MBLAC2: variants seen among roughly 807,000 people sequenced by gnomAD.
MBLAC2 encodes the protein metallo-beta-lactamase domain containing 2.
MBLAC2 carries 24 observed loss-of-function variants against 23.3 expected under a neutral mutation model. The ratio of observed to expected loss-of-function variants is 1.03; its 90% confidence interval spans 0.75 to 1.45. The LOEUF (loss-of-function observed/expected upper bound fraction) is 1.45, where lower values mean the gene tolerates loss of function less well. Ranked by LOEUF, MBLAC2 falls within the 40% of genes most tolerant of loss-of-function variation. MBLAC2 has a pLI of 0.00. For synonymous variants in MBLAC2, 162 were observed against 150.9 expected, an observed-to-expected ratio of 1.07 and a Z score of -0.54; for missense variants, 358 against 370.0, an observed-to-expected ratio of 0.97 and a Z score of 0.27.
rs1580179368 is a variant in MBLAC2, at chr5:90,461,268, A to G, written c.739T>C (p.Tyr247His). 1 of 1,614,174 alleles carries G rather than the reference A, an allele frequency of 6.2e-7. No individual in the cohort carries two copies. The highest frequency in any genetic ancestry group is 2.2e-5 in the East Asian group (1 of 44,882). The stretch of plus-strand genomic sequence containing the variant: ...TGACATATCCCAGCTTTTGAAATAT[A>G]GTTAGAAGCCAATCGAAAAAGCCTT... ...AERLFRLASN[Y>H]ISKAGICHKV... Residue 247 changes from tyrosine (Y) to histidine (H), a missense_variant, in exon 2 of 2, where the codon TAT becomes CAT. Transcript: ENST00000316610.
In MBLAC2 at chr5:90,458,771, G is replaced by A. The variant is rs1334489142; in HGVS notation, c.*2396C>T. 1.3e-5 allele frequency: 2 copies of A among 152,110 alleles called. No individual in the cohort carries two copies. The highest frequency in any genetic ancestry group is 2.9e-5 in the Non-Finnish European group (2 of 67,994). 9.4% of individuals were successfully genotyped at this position (152,110 alleles called of 1,614,324 possible). On this transcript the variant is annotated 3_prime_UTR_variant, in exon 2 of 2. Transcript: ENST00000316610. ...GGCTGGTCAATTACCTTTTGGTGCT[G>A]GGAGTAAGATTAAATTAAATAATGC... is the stretch of plus-strand genomic sequence containing the variant.
At position 90,463,281 on chromosome 5, in the gene MBLAC2, G is replaced by A. The variant is rs537021368; in HGVS notation, c.455-1729C>T. ...ATATTTTTAGTAGAGACAGGGTTTC[G>A]CCATGTTGGCCAGGCTGGTTGCCAT... On this transcript the variant is annotated intron_variant, in intron 1 of 1. Coordinates refer to ENST00000316610, the MANE Select transcript of MBLAC2 (RefSeq NM_203406.2). 1.2e-4 allele frequency among the ~76,000 whole-genome samples: 18 copies of A among 152,240 alleles called. No homozygotes were observed. The South Asian group carries it at 3.3e-3, about 28-fold the overall frequency.
At chr5:90,461,597 G>A in intron 1 of MBLAC2, 45 bp from the exon 2 acceptor site, 1 of 1,540,034 alleles carries the variant, frequency 6.5e-7, no homozygotes. Context: ...TTGTATACTT[G>A]ACTTAGCATG....
At chr5:90,464,098 T>C (rs1750412560) in intron 1 of MBLAC2, among the ~76,000 whole-genome samples, 1 of 152,140 alleles carries the variant, frequency 6.6e-6, no homozygotes, top group South Asian at 2.1e-4. Context: ...ATTTAAAGTC[T>C]CCCCACAAAG....
chr5:90,473,809 C>G (rs779804681), intron 1 of MBLAC2, 30 bp downstream of exon 1: 1 of 1,547,792 alleles, frequency 6.5e-7, no homozygotes, highest in South Asian at 1.2e-5. Flanking sequence ...CCTCCCTTAA[C>G]GAGAGCGCGC....
At position 90,474,387 on chromosome 5, in the gene MBLAC2, C is replaced by G. The variant is rs958473659; in HGVS notation, c.-95G>C. On this transcript the variant is annotated 5_prime_UTR_variant, in exon 1 of 2. Coordinates refer to ENST00000316610, the MANE Select transcript of MBLAC2 (RefSeq NM_203406.2). ...GGGCACTGCGGCTGTGTGAAGCGGT[C>G]TGCCTGCAGCCAGGGAGGAGGCGTA... is the stretch of plus-strand genomic sequence containing the variant. The G allele has an allele frequency of 5.0e-4, 584 of 1,165,922 alleles. 8 individuals carry two copies. The highest frequency in any genetic ancestry group is 1.1e-4 in the Non-Finnish European group (87 of 802,750). The allele number at this position is 1,165,922 out of a possible 1,614,324, so 72.2% of individuals were successfully genotyped here.
intron 1 of MBLAC2, among the ~76,000 whole-genome samples, chr5:90,469,689 G>A (rs1194308979): frequency 6.6e-6 from 1 of 152,078 alleles, no homozygotes; most frequent in African/African-American, 2.4e-5. Flanking sequence ...GAGTTGGGGG[G>A]CATGAGTAAA....
In MBLAC2 at chr5:90,461,202, C is replaced by A; in HGVS notation, c.805G>T (p.Ala269Ser). The A allele has an allele frequency of 6.2e-7, 1 of 1,611,882 alleles. No individual in the cohort carries two copies. The highest frequency in any genetic ancestry group is 8.5e-7 in the Non-Finnish European group (1 of 1,179,094). The change falls in exon 2 of 2, where the codon GCT becomes TCT. Residue 269 changes from alanine (A) to serine (S), a missense_variant. Physicochemically the swap from Ala to Ser is moderately conservative, Grantham distance 99 (BLOSUM62 1). Coordinates refer to ENST00000316610, the MANE Select transcript of MBLAC2 (RefSeq NM_203406.2). ...GTCCTAGAATTTGTTACACGTAGAG[C>A]TAAACTTGCAAGAGATCGCATGGCA... ...TFAMRSLASL[A>S]LRVTNSRTSP
At position 90,460,861 on chromosome 5, in the gene MBLAC2, G is replaced by A. The variant is rs918998454; in HGVS notation, c.*306C>T. ...AGGGAATAAAACAAGAAAAACAGAG[G>A]CAAGGGCAGTTCTCTTGCCACAAAA... On this transcript the variant is annotated 3_prime_UTR_variant, in exon 2 of 2. Transcript: ENST00000316610. 5.4e-5 allele frequency: 12 copies of A among 220,820 alleles called. No individual in the cohort carries two copies. The highest frequency in any genetic ancestry group is 8.0e-5 in the Non-Finnish European group (9 of 112,234). The allele number at this position is 220,820 out of a possible 1,614,324, so 13.7% of individuals were successfully genotyped here.
chr5:90,473,711 G>C (rs1298253444), intron 1 of MBLAC2, 128 bp downstream of exon 1: 2 of 906,490 alleles, frequency 2.2e-6, no homozygotes, highest in South Asian at 1.4e-5. Flanking sequence ...GGGTGAAACA[G>C]AAGTGGCTCT....
intron 1 of MBLAC2, among the ~76,000 whole-genome samples, chr5:90,467,961 T>C (rs186039107): frequency 3.3e-5 from 5 of 152,312 alleles, no homozygotes; most frequent in Admixed American, 1.3e-4. Context: ...TTCTTTCATT[T>C]ATGAAGTGTA....
At chr5:90,472,521 C>T (rs927980126) in intron 1 of MBLAC2, 1 of 151,186 alleles carries the variant, frequency 6.6e-6, no homozygotes, top group Admixed American at 6.6e-5. Context: ...TTTTTAGCAC[C>T]GATAAGCAGT....
chr5:90,463,400 GT>G (rs1206843845), intron 1 of MBLAC2, among the ~76,000 whole-genome samples: 1 of 152,074 alleles, frequency 6.6e-6, no homozygotes, highest in Non-Finnish European at 1.5e-5. Context: ...CTTATTATGT[GT>G]TTTTAATAGA....
chr5:90,473,918 C>T lies in MBLAC2; in HGVS notation c.375G>A (p.Val125=), dbSNP rs2151893524. 1.2e-6 allele frequency: 2 copies of T among 1,605,246 alleles called. No individual in the cohort carries two copies. Among genetic ancestry groups the T allele is most frequent in the East Asian group, 4.5e-5 (2 of 44,468 alleles). The change falls in exon 1 of 2, where the codon GTG becomes GTA. Residue 125 remains valine, a synonymous_variant. Transcript: ENST00000316610. Reference sequence around the variant, plus strand: ...TCCAGCCGGGGCTGGGCGTCCGCACCACCTCGCTATCGGAAAGCCAGGTCA... The same window carrying T: ...TCCAGCCGGGGCTGGGCGTCCGCACTACCTCGCTATCGGAAAGCCAGGTCA... ...ETVTWLSDSE[V]VRTPSPGWRA...
rs1750335131 is a variant in MBLAC2, at chr5:90,459,812, G to A, written c.*1355C>T. 1 of 152,418 alleles carries A rather than the reference G, an allele frequency of 6.6e-6. No individual in the cohort carries two copies. Among genetic ancestry groups the A allele is most frequent in the Admixed American group, 6.6e-5 (1 of 15,256 alleles). The allele number at this position is 152,418 out of a possible 1,614,324, so 9.4% of individuals were successfully genotyped here. The stretch of plus-strand genomic sequence containing the variant: ...ATGTTTATGTGTGTGTGAGTTGAAT[G>A]AATAAAAAACTAAAGAACCTGGGCA... On this transcript the variant is annotated 3_prime_UTR_variant, in exon 2 of 2. Coordinates refer to ENST00000316610, the MANE Select transcript of MBLAC2 (RefSeq NM_203406.2).
At chr5:90,469,376 A>G (rs1220383363) in intron 1 of MBLAC2, among the ~76,000 whole-genome samples, 1 of 151,630 alleles carries the variant, frequency 6.6e-6, no homozygotes, top group Non-Finnish European at 1.5e-5. Context: ...TTTCTCTCCT[A>G]GTTCCCATTT....
intron 1 of MBLAC2, among the ~76,000 whole-genome samples, chr5:90,470,569 G>T (rs1447706638): frequency 6.6e-6 from 1 of 152,136 alleles, no homozygotes; most frequent in African/African-American, 2.4e-5. Context: ...AAGAGGCCAG[G>T]ATTTCTTAGG....
chr5:90,468,886 A>C (rs1750498706), intron 1 of MBLAC2, among the ~76,000 whole-genome samples: 1 of 152,204 alleles, frequency 6.6e-6, no homozygotes, highest in Non-Finnish European at 1.5e-5. Flanking sequence ...CTGAACACTA[A>C]TAGTGACACA....
intron 1 of MBLAC2, among the ~76,000 whole-genome samples, chr5:90,463,077 T>C (rs144018303): frequency 6.6e-6 from 1 of 152,314 alleles, no homozygotes; most frequent in African/African-American, 2.4e-5. Flanking sequence ...ATTGATAACA[T>C]GTAGTCTTTT....
Sources: allele counts gnomAD v4.1 joint callset (sites outside exome capture counted in the v4.1 genomes callset), GRCh38; gene constraint gnomAD v4.1.1; transcripts MANE v1.5; gene names NCBI Gene and HGNC (gene_info 2026-07-23, HGNC 2026-07-21).